The following ATL2 variants were observed in gnomAD, a reference collection of about 807,000 sequenced individuals.
ATL2 encodes the protein atlastin-2.
Under a neutral mutation model 73.9 loss-of-function variants are expected in ATL2, and 31 were observed. The observed-to-expected ratio is 0.42, with a 90% CI of 0.32 to 0.57. The LOEUF is 0.57. ATL2 is among the 20% of genes least tolerant of loss of function. The pLI, the probability that ATL2 is intolerant of heterozygous loss-of-function variation, is 0.14. For synonymous variants in ATL2, 291 were observed against 237.5 expected, an observed-to-expected ratio of 1.23 and a Z score of -2.07; for missense variants, 738 against 702.6, an observed-to-expected ratio of 1.05 and a Z score of -0.57.
chr2:38,339,594 G>C (rs1236887240), intron 2 of ATL2, among the ~76,000 whole-genome samples: 2 of 152,038 alleles, frequency 1.3e-5, no homozygotes, highest in African/African-American at 4.8e-5. Context: ...TAAAAAATCA[G>C]CTGACAAAAA....
intron 2 of ATL2, among the ~76,000 whole-genome samples, chr2:38,340,895 C>T (rs1669674081): frequency 6.6e-6 from 1 of 152,200 alleles, no homozygotes; most frequent in African/African-American, 2.4e-5. Context: ...AAGCCACTAA[C>T]TAGATGTATA....
intron 1 of ATL2, among the ~76,000 whole-genome samples, chr2:38,351,842 T>G (rs899772179): frequency 4.7e-5 from 7 of 148,506 alleles, no homozygotes; most frequent in Non-Finnish European, 1.0e-4. Flanking sequence ...CCGGGTGCAG[T>G]GGCTCACGTC....
intron 1 of ATL2, among the ~76,000 whole-genome samples, chr2:38,344,504 G>A (rs1015449800): frequency 6.6e-6 from 1 of 152,096 alleles, no homozygotes; most frequent in African/African-American, 2.4e-5. Flanking sequence ...CAGCTACTTG[G>A]GAGGCTGAGA....
intron 2 of ATL2, 118 bp downstream of exon 2, chr2:38,343,149 TA>T (rs59215933): frequency 0.013 from 4,591 of 361,020 alleles, 9 homozygotes; most frequent in South Asian, 0.024. Context: ...CCACTTAAAT[TA>T]AAAAAAAAAA....
chr2:38,360,465 A>G (rs891374900), intron 1 of ATL2, among the ~76,000 whole-genome samples: 3 of 151,984 alleles, frequency 2.0e-5, no homozygotes, highest in Non-Finnish European at 4.4e-5. Flanking sequence ...TAGTTTTTGT[A>G]GAGACCAGGT....
At position 38,309,483 on chromosome 2, in the gene ATL2, C is replaced by G; in HGVS notation, c.967G>C (p.Glu323Gln). 6.2e-7 allele frequency: 1 copy of G among 1,612,186 alleles called. No homozygotes were observed. The highest frequency in any genetic ancestry group is 1.1e-5 in the South Asian group (1 of 90,922). ...AGCAATGGAACCAGATTTCGAAGCT[C>G]TCGTTTAAAGTCTTCATCAATATCT... The part of the protein sequence containing the change: ...LKDIDEDFKR[E>Q]LRNLVPLLLA... Residue 323 changes from glutamate to glutamine, a missense_variant, in exon 9 of 13, where the codon GAG becomes CAG. By Grantham distance (29) the Glu-to-Gln change is conservative (BLOSUM62 2). Coordinates refer to ENST00000378954, the MANE Select transcript of ATL2 (RefSeq NM_001135673.4).
upstream of ATL2, among the ~76,000 whole-genome samples, chr2:38,377,564 C>A: frequency 6.6e-6 from 1 of 152,116 alleles, no homozygotes; most frequent in African/African-American, 2.4e-5. Flanking sequence ...CACACCCCCA[C>A]CTCCCTGAGC....
Position 38,296,133 on chromosome 2 carries a change from C to A in ATL2, c.1633-20G>T. 1 of 1,526,944 alleles carries A rather than the reference C, an allele frequency of 6.5e-7. No individual in the cohort carries two copies. Among genetic ancestry groups the A allele is most frequent in the Non-Finnish European group, 8.8e-7 (1 of 1,135,814 alleles). The allele number at this position is 1,526,944 out of a possible 1,614,324, so 94.6% of individuals were successfully genotyped here. ...CAATACCTGTGGTATGAGAAATGTG[C>A]AAAACAAACAAAAACATGAGGTAAA... is the stretch of plus-strand genomic sequence containing the variant. On this transcript the variant is annotated intron_variant, in intron 12 of 12. Transcript: ENST00000378954.
intron 12 of ATL2, chr2:38,296,739 C>T (rs1488222831): frequency 3.2e-6 from 5 of 1,551,536 alleles, no homozygotes; most frequent in East Asian, 2.4e-5. Context: ...GAAATTTAGA[C>T]AAGGTTTGTT....
At chr2:38,313,767 C>T (rs376749272) in intron 6 of ATL2, among the ~76,000 whole-genome samples, 2 of 152,090 alleles carry the variant, frequency 1.3e-5, no homozygotes, top group East Asian at 1.9e-4. Flanking sequence ...TATTGTAGAA[C>T]GTTGAACCAT....
intron 2 of ATL2, among the ~76,000 whole-genome samples, chr2:38,339,528 G>C (rs530943402): frequency 5.9e-4 from 90 of 151,768 alleles, no homozygotes; most frequent in African/African-American, 2.1e-3. Context: ...AAATGTGTTT[G>C]AAAACTTAAA....
chr2:38,317,073 G>A (rs1668062013), intron 4 of ATL2, among the ~76,000 whole-genome samples: 1 of 152,062 alleles, frequency 6.6e-6, no homozygotes, highest in Non-Finnish European at 1.5e-5. Flanking sequence ...CCACTCTGAT[G>A]GCTAGGTACT....
At chr2:38,374,358 C>CA (rs79445784) in intron 1 of ATL2, among the ~76,000 whole-genome samples, 18,710 of 152,198 alleles carry the variant, frequency 0.12, 3,377 homozygotes, top group African/African-American at 0.4. Flanking sequence ...AAATAACTCT[C>CA]AAATTTTCTA....
rs766834125 is a variant in ATL2 at position 38,296,476 on chromosome 2, A to AG, written c.1633-364_1633-363insC. On this transcript the variant is annotated intron_variant, in intron 12 of 12. Coordinates refer to ENST00000378954, the MANE Select transcript of ATL2 (RefSeq NM_001135673.4). The stretch of plus-strand genomic sequence containing the variant: ...CTTCAGATAGAGAAAAAGGTTAAAA[A>AG]TACTGTCTAATTTTTCTTCTTGTTA... The AG allele has an allele frequency of 8.1e-6, 13 of 1,605,014 alleles. 1 individual carries two copies. The South Asian group carries it at 1.5e-4, about 18-fold the overall frequency.
At chr2:38,370,294 C>A (rs7589009) in intron 1 of ATL2, among the ~76,000 whole-genome samples, 34 of 127,238 alleles carry the variant, frequency 2.7e-4, no homozygotes, top group African/African-American at 9.7e-4. Flanking sequence ...ACTAAAAATA[C>A]AAAAATTAGC....
intron 4 of ATL2, among the ~76,000 whole-genome samples, chr2:38,316,944 T>G (rs1410164607): frequency 1.3e-5 from 2 of 152,038 alleles, no homozygotes; most frequent in Non-Finnish European, 2.9e-5. Flanking sequence ...AAAAGAGACT[T>G]AGAGGGTCCC....
At chr2:38,351,044 C>A (rs1221623768) in intron 1 of ATL2, among the ~76,000 whole-genome samples, 1 of 152,124 alleles carries the variant, frequency 6.6e-6, no homozygotes, top group Non-Finnish European at 1.5e-5. Flanking sequence ...GAATAATTCA[C>A]CTTTCAAAAG....
intron 2 of ATL2, among the ~76,000 whole-genome samples, chr2:38,325,906 T>TCAAAA (rs1271281498): frequency 1.9e-5 from 1 of 52,028 alleles, no homozygotes; most frequent in African/African-American, 5.7e-5. Flanking sequence ...TTTGTTTGTT[T>TCAAAA]AAAAAAAAAA....
intron 4 of ATL2, among the ~76,000 whole-genome samples, chr2:38,317,294 C>T (rs1355412043): frequency 6.6e-6 from 1 of 152,094 alleles, no homozygotes; most frequent in East Asian, 1.9e-4. Context: ...ACCAGCTGGG[C>T]CTAACCGCCA....
Sources: gnomAD v4.1 joint callset for allele counts (sites outside exome capture counted in the v4.1 genomes callset) on GRCh38, gnomAD v4.1.1 for gene constraint, MANE v1.5 for transcripts, NCBI Gene and HGNC (gene_info 2026-07-23, HGNC 2026-07-21) for gene names.